Variants in PTPRD observed in about 807,000 individuals in gnomAD.
The protein encoded by PTPRD is protein tyrosine phosphatase receptor type D, also known as receptor-type tyrosine-protein phosphatase delta.
Under a neutral mutation model 214.5 loss-of-function variants are expected in PTPRD, and 34 were observed. That is an observed-to-expected ratio of 0.16 (90% CI 0.12 to 0.21). PTPRD has a LOEUF of 0.21. Ranked by LOEUF, PTPRD falls within the 10% of genes least tolerant of loss-of-function variation. The pLI, the probability that PTPRD is intolerant of heterozygous loss-of-function variation, is 1.00. For missense variants in PTPRD, 2,545 were observed against 2,398.7 expected (o/e 1.06, Z -1.27); for synonymous variants, 1,128 against 845.7 (o/e 1.33, Z -5.79).
chr9:10,179,718 T>C (rs1007653453), intron 3 of PTPRD, among the ~76,000 whole-genome samples: 3 of 152,098 alleles, frequency 2.0e-5, no homozygotes, highest in Non-Finnish European at 2.9e-5. Flanking sequence ...ACCATTATTA[T>C]TATTTAATTT....
Position 9,496,707 on chromosome 9 carries a change from T to A in PTPRD, c.-237+78025A>T, listed in dbSNP as rs190926646. ...AGTGTTATGGTTATTCTTAAAAAAA[T>A]TAAAAATAGAATTACCATATGATAT... On this transcript the variant is annotated intron_variant, in intron 8 of 45. Transcript: ENST00000381196. Among the ~76,000 whole-genome samples the A allele has an allele frequency of 9.5e-4, 144 of 152,194 alleles. 2 individuals carry two copies. The East Asian group carries it at 0.025, about 26-fold the overall frequency.
At chr9:9,410,198 T>C (rs550223986) in intron 8 of PTPRD, among the ~76,000 whole-genome samples, 7 of 152,154 alleles carry the variant, frequency 4.6e-5, no homozygotes, top group Middle Eastern at 3.2e-3. Flanking sequence ...ATCAATACAA[T>C]GAAATATGCA....
chr9:9,540,630 T>C (rs2060768719), intron 8 of PTPRD, among the ~76,000 whole-genome samples: 1 of 151,846 alleles, frequency 6.6e-6, no homozygotes, highest in Non-Finnish European at 1.5e-5. Context: ...AGATGGATTA[T>C]TTTTTAAAAT....
At chr9:9,948,196 T>C (rs1242580245) in intron 4 of PTPRD, among the ~76,000 whole-genome samples, 1 of 152,076 alleles carries the variant, frequency 6.6e-6, no homozygotes, top group Non-Finnish European at 1.5e-5. Flanking sequence ...CTTGTGAACA[T>C]GAGGCTATCC....
At chr9:8,856,162 CT>C (rs1462151502) in intron 11 of PTPRD, among the ~76,000 whole-genome samples, 3 of 151,896 alleles carry the variant, frequency 2.0e-5, no homozygotes. Context: ...GATACTAAGC[CT>C]TTTACTGGGT....
At chr9:8,864,349 G>A (rs1175801768) in intron 11 of PTPRD, among the ~76,000 whole-genome samples, 2 of 152,192 alleles carry the variant, frequency 1.3e-5, no homozygotes, top group Non-Finnish European at 2.9e-5. Context: ...GCTTCAGGCA[G>A]TTAATGACTC....
chr9:10,216,496 T>G (rs573574537), intron 3 of PTPRD, among the ~76,000 whole-genome samples: 2 of 152,110 alleles, frequency 1.3e-5, no homozygotes, highest in Admixed American at 6.6e-5. Flanking sequence ...TGCTCTAAAT[T>G]TATATTTTGT....
chr9:9,098,075 A>G (rs2099786211), intron 10 of PTPRD, among the ~76,000 whole-genome samples: 2 of 151,748 alleles, frequency 1.3e-5, no homozygotes, highest in Non-Finnish European at 2.9e-5. Flanking sequence ...CAAAGTAAAT[A>G]TATTTATATG....
chr9:9,088,972 T>G (rs533522949), intron 10 of PTPRD, among the ~76,000 whole-genome samples: 2 of 152,296 alleles, frequency 1.3e-5, no homozygotes, highest in African/African-American at 4.8e-5. Context: ...TGATAAGCAC[T>G]CAATAAATAT....
At chr9:9,123,762 T>G (rs2154466032) in intron 10 of PTPRD, among the ~76,000 whole-genome samples, 1 of 152,310 alleles carries the variant, frequency 6.6e-6, no homozygotes, top group Non-Finnish European at 1.5e-5. Context: ...GAAGACAACA[T>G]TTGTTGAAAG....
chr9:9,294,629 A>G (rs1952375664), intron 9 of PTPRD, among the ~76,000 whole-genome samples: 1 of 151,666 alleles, frequency 6.6e-6, no homozygotes, highest in Admixed American at 6.6e-5. Context: ...GAAGAGGTCA[A>G]CGTTAACTCA....
intron 7 of PTPRD, among the ~76,000 whole-genome samples, chr9:9,626,098 CCA>C (rs1564142428): frequency 6.6e-6 from 1 of 152,146 alleles, no homozygotes; most frequent in Non-Finnish European, 1.5e-5. Context: ...GGTCTACGAG[CCA>C]CAGTTTATCA....
In PTPRD at chr9:9,616,545, C is replaced by A. The variant is rs542782242; in HGVS notation, c.-286-41764G>T. On this transcript the variant is annotated intron_variant, in intron 7 of 45. Coordinates refer to ENST00000381196, the MANE Select transcript of PTPRD (RefSeq NM_002839.4). ...ATAAATTTTAAGATTGAAATAAATT[C>A]CTAGTAGACCTAGTTTTATTATTAT... is the stretch of plus-strand genomic sequence containing the variant. 2.6e-5 allele frequency among the ~76,000 whole-genome samples: 4 copies of A among 152,120 alleles called. No homozygotes were observed. In the South Asian group the frequency reaches 8.3e-4, roughly 32 times the overall value.
chr9:9,871,283 C>G (rs2065342928), intron 5 of PTPRD, among the ~76,000 whole-genome samples: 1 of 152,042 alleles, frequency 6.6e-6, no homozygotes, highest in Non-Finnish European at 1.5e-5. Flanking sequence ...GCAAAAATAA[C>G]AGTAAGACCA....
intron 14 of PTPRD, among the ~76,000 whole-genome samples, chr9:8,611,289 C>T (rs2095436189): frequency 6.6e-6 from 1 of 152,058 alleles, no homozygotes; most frequent in African/African-American, 2.4e-5. Flanking sequence ...TTAACTATCA[C>T]AAATATTGGT....
chr9:9,423,779 T>C (rs1028242027), intron 8 of PTPRD, among the ~76,000 whole-genome samples: 8 of 152,124 alleles, frequency 5.3e-5, no homozygotes, highest in African/African-American at 1.9e-4. Flanking sequence ...TAGACAGAAT[T>C]GAAGAGGGAA....
At chr9:8,423,533 C>A (rs2094487885) in intron 35 of PTPRD, among the ~76,000 whole-genome samples, 1 of 152,126 alleles carries the variant, frequency 6.6e-6, no homozygotes, top group Non-Finnish European at 1.5e-5. Flanking sequence ...GTGAATATTA[C>A]TATGTATCAT....
intron 2 of PTPRD, among the ~76,000 whole-genome samples, chr9:10,413,406 T>C (rs1005609016): frequency 5.9e-5 from 9 of 151,814 alleles, no homozygotes; most frequent in African/African-American, 2.2e-4. Flanking sequence ...TCACGAGGGA[T>C]GTAAAAGATC....
intron 11 of PTPRD, among the ~76,000 whole-genome samples, chr9:8,931,145 G>A (rs2098949664): frequency 6.6e-6 from 1 of 151,926 alleles, no homozygotes; most frequent in Admixed American, 6.6e-5. Context: ...TGTATAAGGT[G>A]TAAGGAAGGG....
Sources: allele counts gnomAD v4.1 joint callset (sites outside exome capture counted in the v4.1 genomes callset), GRCh38; gene constraint gnomAD v4.1.1; transcripts MANE v1.5; gene names NCBI Gene and HGNC (gene_info 2026-07-23, HGNC 2026-07-21).